The following CYP4F2 variants were observed in gnomAD, a reference collection of about 807,000 sequenced individuals.
CYP4F2 encodes cytochrome P450 family 4 subfamily F member 2, also known as cytochrome P450 4F2.
A neutral mutation model predicts 58.9 loss-of-function variants in CYP4F2; 58 were observed. The ratio of observed to expected loss-of-function variants is 0.98; its 90% CI spans 0.80 to 1.23. The LOEUF (loss-of-function observed/expected upper bound fraction) is 1.23, where lower values mean the gene tolerates loss of function less well. Among genes scored for constraint, CYP4F2 ranks in the 50% most tolerant of loss-of-function variants. The probability of loss-of-function intolerance (pLI) is 0.00; values close to 1 mark genes in which losing one functional copy is unlikely to be tolerated. For synonymous variants in CYP4F2, 287 were observed against 261.1 expected (o/e 1.10, Z -0.95); for missense variants, 616 against 685.6 (o/e 0.90, Z 1.13).
At chr19:15,893,672 G>A (rs3093132) in intron 3 of CYP4F2, 4,896 of 166,518 alleles carry the variant, frequency 0.029, 270 homozygotes, top group African/African-American at 0.11. Context: ...CATCGGTCAC[G>A]TGTTCAGCTG....
chr19:15,893,244 A>T (rs577129901), intron 3 of CYP4F2, among the ~76,000 whole-genome samples: 1 of 152,228 alleles, frequency 6.6e-6, no homozygotes, highest in East Asian at 1.9e-4. Context: ...ACAAGACTCA[A>T]ATAATGTCTC....
rs1368787302 is a variant in CYP4F2 at position 15,885,974 on chromosome 19, C to T, written c.1065G>A (p.Arg355=). Residue 355 remains arginine (R), a synonymous_variant, in exon 9 of 13, where the codon CGG becomes CGA. Transcript: ENST00000221700. ...AKHPEYQERC[R]QEVQELLKDR... ...CCTTCAGAAGTTCTTGCACCTCCTG[C>T]CGGCAGCGCTCCTGGTATTCTGGGT... The T allele has an allele frequency of 8.1e-6, 13 of 1,613,956 alleles. No individual in the cohort carries two copies. Among genetic ancestry groups the T allele is most frequent in the Non-Finnish European group, 1.0e-5 (12 of 1,180,008 alleles).
intron 3 of CYP4F2, 63 bp from the exon 4 acceptor site, chr19:15,892,645 G>C: frequency 6.3e-7 from 1 of 1,583,854 alleles, no homozygotes; most frequent in Non-Finnish European, 8.6e-7. Flanking sequence ...TTGGGGGTGG[G>C]TGGAGGCTCC....
Position 15,892,600 on chromosome 19 carries a change from A to T in CYP4F2, c.344-18T>A, listed in dbSNP as rs149475304. 3.2e-4 allele frequency: 520 copies of T among 1,611,808 alleles called. 1 individual carries two copies. In the African/African-American group the frequency reaches 6.1e-3, roughly 19 times the overall value. On this transcript the variant is annotated intron_variant, in intron 3 of 12. Coordinates refer to ENST00000221700, the MANE Select transcript of CYP4F2 (RefSeq NM_001082.5). ...AATGGCAGCTGACATAAATGAGGAC[A>T]ATCAGGGGCCATGGAGGCAGGTGAA...
intron 3 of CYP4F2, chr19:15,893,955 C>T (rs3093131): frequency 6.1e-4 from 140 of 230,586 alleles, no homozygotes; most frequent in Middle Eastern, 2.1e-3. Flanking sequence ...GGGAAGAGGT[C>T]GAAGCCCTCT....
Position 15,898,058 on chromosome 19 carries a change from T to TC in CYP4F2, c.-35dup, listed in dbSNP as rs2089459975. The stretch of plus-strand genomic sequence containing the variant: ...CAGGAGCAGTCTGTCCCAGACAACC[T>TC]CCTCTCTCTGTCTGCTGGGAGGCCT... On this transcript the variant is annotated 5_prime_UTR_variant, in exon 1 of 13. Transcript: ENST00000221700. The TC allele has an allele frequency of 2.2e-5, 4 of 184,998 alleles. No homozygotes were observed. The East Asian group carries it at 5.6e-4, about 26-fold the overall frequency. 11.5% of individuals were successfully genotyped at this position (184,998 alleles called of 1,614,324 possible). A position where few individuals can be genotyped will look rare whatever the true frequency, so the allele number is the denominator to read the frequency against.
At chr19:15,882,377 A>C (rs999630999) in intron 9 of CYP4F2, among the ~76,000 whole-genome samples, 6 of 152,194 alleles carry the variant, frequency 3.9e-5, no homozygotes, top group Non-Finnish European at 7.3e-5. Flanking sequence ...CAGTTAGACA[A>C]GAGGAATAGT....
At position 15,878,432 on chromosome 19, in the gene CYP4F2, A is replaced by T. The variant is rs1024042466; in HGVS notation, c.*339T>A. Reference sequence around the variant, plus strand: ...CATCTGACGTCTTTCATTCAGTATCATGCATTCAAGGTTCATCCACAGTGT... The same window carrying T: ...CATCTGACGTCTTTCATTCAGTATCTTGCATTCAAGGTTCATCCACAGTGT... On this transcript the variant is annotated 3_prime_UTR_variant, in exon 13 of 13. Transcript: ENST00000221700. 2 of 283,300 alleles carry T rather than the reference A, an allele frequency of 7.1e-6. No individual in the cohort carries two copies. Among genetic ancestry groups the T allele is most frequent in the African/African-American group, 4.4e-5 (2 of 45,502 alleles). The allele number at this position is 283,300 out of a possible 1,614,324, so 17.5% of individuals were successfully genotyped here. A position where few individuals can be genotyped will look rare whatever the true frequency, so the allele number is the denominator to read the frequency against.
intron 3 of CYP4F2, among the ~76,000 whole-genome samples, chr19:15,892,853 G>A (rs767147692): frequency 1.8e-4 from 27 of 152,204 alleles, no homozygotes; most frequent in African/African-American, 2.9e-4. Flanking sequence ...CCTCCTACAC[G>A]ATCCAACATG....
chr19:15,889,329 C>G, intron 7 of CYP4F2, 94 bp downstream of exon 7: 1 of 1,603,578 alleles, frequency 6.2e-7, no homozygotes. Context: ...CCATGGCTCC[C>G]TAGTGCCCTC....
intron 2 of CYP4F2, 26 bp downstream of exon 2, chr19:15,897,388 T>C (rs768114179): frequency 3.6e-6 from 5 of 1,397,040 alleles, no homozygotes; most frequent in South Asian, 3.4e-5. Flanking sequence ...TCCTGAGACC[T>C]AGACCCATCC....
chr19:15,887,213 C>G (rs2089385593), intron 7 of CYP4F2, among the ~76,000 whole-genome samples: 1 of 150,838 alleles, frequency 6.6e-6, no homozygotes, highest in South Asian at 2.1e-4. Context: ...CATAAAGTCA[C>G]AGACTTAGAA....
At chr19:15,886,490 C>T in intron 7 of CYP4F2, 182 bp from the exon 8 acceptor site, 1 of 673,798 alleles carries the variant, frequency 1.5e-6, no homozygotes. Context: ...CACCTCATGG[C>T]CTTCCTCTCT....
rs2145004202 is a variant in CYP4F2, at chr19:15,884,976, C to T, written c.1115+948G>A. On this transcript the variant is annotated intron_variant, in intron 9 of 12. Coordinates refer to ENST00000221700, the MANE Select transcript of CYP4F2 (RefSeq NM_001082.5). ...CTAAAACTGAAGCCATTAACATTTTCCCCAAGGCTTCCACAGCCAGCCCCT... is the reference window on the plus strand; with the variant it reads ...CTAAAACTGAAGCCATTAACATTTTTCCCAAGGCTTCCACAGCCAGCCCCT... Among the ~76,000 whole-genome samples the T allele has an allele frequency of 2.1e-5, 3 of 141,738 alleles. No individual in the cohort carries two copies. The South Asian group carries it at 6.9e-4, about 33-fold the overall frequency. 93.0% of individuals were successfully genotyped at this position (141,738 alleles called of 152,430 possible).
Position 15,898,010 on chromosome 19 carries a change from AC to A in CYP4F2, c.-2+15del, listed in dbSNP as rs759424518. 13 of 228,796 alleles carry A rather than the reference AC, an allele frequency of 5.7e-5. 2 individuals carry two copies. Among genetic ancestry groups the A allele is most frequent in the South Asian group, 5.3e-4 (10 of 18,914 alleles). The allele number at this position is 228,796 out of a possible 1,614,324, so 14.2% of individuals were successfully genotyped here. On this transcript the variant is annotated intron_variant, in intron 1 of 12. Coordinates refer to ENST00000221700, the MANE Select transcript of CYP4F2 (RefSeq NM_001082.5). ...GGCCAGGACCCCCCCCAGGCCTGCC[AC>A]CCCCAGCCTGGCACCTTCTGTCAGG...
intron 7 of CYP4F2, among the ~76,000 whole-genome samples, chr19:15,888,509 G>C (rs2089396415): frequency 6.7e-6 from 1 of 150,282 alleles, no homozygotes; most frequent in South Asian, 2.1e-4. Flanking sequence ...AATACACATA[G>C]ACATAGACAC....
chr19:15,888,123 A>AAC (rs1369104673), intron 7 of CYP4F2, among the ~76,000 whole-genome samples: 1 of 150,440 alleles, frequency 6.6e-6, no homozygotes, highest in East Asian at 2.0e-4. Flanking sequence ...CACAGACACA[A>AAC]ACACACATAG....
At chr19:15,894,873 G>A (rs1455817950) in intron 3 of CYP4F2, among the ~76,000 whole-genome samples, 1 of 152,138 alleles carries the variant, frequency 6.6e-6, no homozygotes, top group Non-Finnish European at 1.5e-5. Context: ...ACGAACTTAG[G>A]GCAGACAAGC....
At chr19:15,893,328 G>A (rs990334476) in intron 3 of CYP4F2, among the ~76,000 whole-genome samples, 1 of 150,756 alleles carries the variant, frequency 6.6e-6, no homozygotes, top group Admixed American at 6.6e-5. Context: ...CCAGATGTTT[G>A]GACCACCAGG....
Sources: gnomAD v4.1 joint callset for allele counts (sites outside exome capture counted in the v4.1 genomes callset) on GRCh38, gnomAD v4.1.1 for gene constraint, MANE v1.5 for transcripts, NCBI Gene and HGNC (gene_info 2026-07-23, HGNC 2026-07-21) for gene names.